The following CCDC138 variants were observed in gnomAD, a reference collection of about 807,000 sequenced individuals.
CCDC138 encodes the protein coiled-coil domain-containing protein 138.
Under a neutral mutation model 82.3 loss-of-function variants are expected in CCDC138, and 66 were observed. The ratio of observed to expected loss-of-function variants is 0.80; its 90% CI spans 0.66 to 0.98. CCDC138 has a LOEUF of 0.98. Among genes scored for constraint, CCDC138 ranks in the 50% least tolerant of loss-of-function variants. CCDC138 has a pLI of 0.00. For missense variants in CCDC138, 816 were observed against 758.9 expected, an observed-to-expected ratio of 1.08 and a Z score of -0.88; for synonymous variants, 297 against 265.4, an observed-to-expected ratio of 1.12 and a Z score of -1.16.
At chr2:108,875,367 T>C in intron 14 of CCDC138, among the ~76,000 whole-genome samples, 1 of 150,742 alleles carries the variant, frequency 6.6e-6, no homozygotes, top group African/African-American at 2.4e-5. Flanking sequence ...GAAATGAAAT[T>C]ACTGACAGGT....
Position 108,812,657 on chromosome 2 carries a change from G to GA in CCDC138, c.884dup (p.Ile296AspfsTer6). 6.2e-7 allele frequency: 1 copy of GA among 1,612,932 alleles called. No individual in the cohort carries two copies. Among genetic ancestry groups the GA allele is most frequent in the Non-Finnish European group, 8.5e-7 (1 of 1,179,090 alleles). On this transcript the variant is annotated frameshift_variant, in exon 8 of 15. Transcript: ENST00000295124. LOFTEE classifies it high-confidence loss of function. ...TAAATGAAGCAAGTGAAGAAAACAG[G>GA]AAGATAGACATTCAGGCTAAAAGAG...
intron 9 of CCDC138, among the ~76,000 whole-genome samples, chr2:108,814,666 A>G (rs1485481682): frequency 1.3e-5 from 2 of 149,282 alleles, no homozygotes; most frequent in South Asian, 2.1e-4. Context: ...ATTTATTAAT[A>G]TTTTTAATTT....
downstream of CCDC138, among the ~76,000 whole-genome samples, chr2:108,877,348 C>T (rs145008478): frequency 0.022 from 3,340 of 151,974 alleles, 62 homozygotes; most frequent in Non-Finnish European, 0.036. Context: ...CACCTGTGAT[C>T]CTAGCTACTC....
Position 108,812,943 on chromosome 2 carries a change from G to A in CCDC138, c.1041+16G>A. 6.2e-7 allele frequency: 1 copy of A among 1,609,560 alleles called. No homozygotes were observed. Among genetic ancestry groups the A allele is most frequent in the South Asian group, 1.1e-5 (1 of 90,692 alleles). ...AACTTACAAGGTAAGTTTGAATTAT[G>A]ATTTGATATGATTGAAAATTTCTCG... On this transcript the variant is annotated intron_variant, in intron 9 of 14. Transcript: ENST00000295124.
Position 108,876,085 on chromosome 2 carries a change from C to G in CCDC138, c.1833-3C>G. ...TTAAATAATGTATTCATTTTTTTTA[C>G]AGGAGTAATAAGAAGCTCTTTGAAC... is the stretch of plus-strand genomic sequence containing the variant. On this transcript the variant is annotated splice_polypyrimidine_tract_variant and splice_region_variant and intron_variant, in intron 14 of 14. Coordinates refer to ENST00000295124, the MANE Select transcript of CCDC138 (RefSeq NM_144978.3). The G allele has an allele frequency of 6.4e-7, 1 of 1,560,070 alleles. No homozygotes were observed. Among genetic ancestry groups the G allele is most frequent in the Non-Finnish European group, 8.8e-7 (1 of 1,136,654 alleles).
chr2:108,819,618 G>A (rs1685329038), intron 10 of CCDC138, among the ~76,000 whole-genome samples: 1 of 152,184 alleles, frequency 6.6e-6, no homozygotes, highest in African/African-American at 2.4e-5. Flanking sequence ...ACACATAGAA[G>A]CCCAGAGAAG....
intron 10 of CCDC138, among the ~76,000 whole-genome samples, chr2:108,827,574 T>G (rs1220118676): frequency 4.0e-5 from 6 of 151,592 alleles, no homozygotes; most frequent in African/African-American, 1.5e-4. Context: ...CCCAGCACTT[T>G]GGGAGGCCAA....
chr2:108,846,186 C>A (rs545432777), intron 11 of CCDC138, among the ~76,000 whole-genome samples: 1 of 152,168 alleles, frequency 6.6e-6, no homozygotes, highest in Admixed American at 6.5e-5. Flanking sequence ...AGTAGGTAGT[C>A]CACCTCTGTT....
chr2:108,789,160 A>G (rs1355813703), intron 3 of CCDC138, among the ~76,000 whole-genome samples, 194 bp downstream of exon 3: 2 of 152,276 alleles, frequency 1.3e-5, no homozygotes, highest in Non-Finnish European at 2.9e-5. Flanking sequence ...TAATAAAAGC[A>G]TAGACCTAGC....
intron 7 of CCDC138, among the ~76,000 whole-genome samples, 185 bp downstream of exon 7, chr2:108,805,193 T>C (rs1682653841): frequency 6.6e-6 from 1 of 152,230 alleles, no homozygotes; most frequent in Non-Finnish European, 1.5e-5. Flanking sequence ...GTCTCTTCTC[T>C]TTATTTGTTC....
rs181257723 is a variant in CCDC138, at chr2:108,841,055, C to T, written c.1323+1754C>T. Among the ~76,000 whole-genome samples the T allele has an allele frequency of 2.0e-5, 3 of 152,132 alleles. No individual in the cohort carries two copies. The East Asian group carries it at 5.8e-4, about 29-fold the overall frequency. ...TTGTTTTTTAGTAGGGATGGGGTTT[C>T]ACCATGTTGACCTCAAGTGATCTGC... On this transcript the variant is annotated intron_variant, in intron 11 of 14. Transcript: ENST00000295124.
chr2:108,813,269 A>AAAAG (rs1558658805), intron 9 of CCDC138, among the ~76,000 whole-genome samples: 2 of 150,940 alleles, frequency 1.3e-5, no homozygotes, highest in African/African-American at 2.4e-5. Flanking sequence ...AAAAAAAAAA[A>AAAAG]AAAGAAAATT....
chr2:108,839,319 A>G lies in CCDC138; in HGVS notation c.1323+18A>G. 6.3e-7 allele frequency: 1 copy of G among 1,595,756 alleles called. No individual in the cohort carries two copies. Among genetic ancestry groups the G allele is most frequent in the Non-Finnish European group, 8.6e-7 (1 of 1,168,542 alleles). ...GAGCACAGGTAATTGGTTAATAGGA[A>G]TTTATCTATAAGTAATACTCCACCT... On this transcript the variant is annotated intron_variant, in intron 11 of 14. Coordinates refer to ENST00000295124, the MANE Select transcript of CCDC138 (RefSeq NM_144978.3).
Position 108,788,021 on chromosome 2 carries a change from T to C in CCDC138, c.94-11T>C, listed in dbSNP as rs1286142362. On this transcript the variant is annotated splice_polypyrimidine_tract_variant and intron_variant, in intron 1 of 14. Transcript: ENST00000295124. ...TAGTATACAAATTAAATCTTTTCTT[T>C]TTTTTTTTAGTATGATTTTTCAAAT... 6.6e-7 allele frequency: 1 copy of C among 1,520,998 alleles called. No individual in the cohort carries two copies. The highest frequency in any genetic ancestry group is 8.9e-7 in the Non-Finnish European group (1 of 1,121,722). The allele number at this position is 1,520,998 out of a possible 1,614,324, so 94.2% of individuals were successfully genotyped here.
intron 2 of CCDC138, chr2:108,882,877 T>G (rs907307186): frequency 2.0e-5 from 3 of 152,090 alleles, no homozygotes; most frequent in African/African-American, 7.3e-5. Context: ...AGGTAGGGAT[T>G]TAAGGATGGC....
Position 108,788,965 on chromosome 2 carries a change from T to C in CCDC138, c.265T>C (p.Cys89Arg), listed in dbSNP as rs73952515. 2.5e-3 allele frequency: 4,013 copies of C among 1,613,960 alleles called. 84 individuals are homozygous for C. In the African/African-American group the frequency reaches 0.048, roughly 19 times the overall value. ...GSLFKHVNVN[C>R]LDDELDSFHD... The stretch of plus-strand genomic sequence containing the variant: ...CTTATTCAAGCACGTAAATGTGAAT[T>C]GGTAAAGTACCCTGAAACTTTACTG... Residue 89 changes from cysteine to arginine, a missense_variant and splice_region_variant, in exon 3 of 15, where the codon TGC becomes CGC. Coordinates refer to ENST00000295124, the MANE Select transcript of CCDC138 (RefSeq NM_144978.3).
At chr2:108,845,379 C>T (rs1690257423) in intron 11 of CCDC138, among the ~76,000 whole-genome samples, 1 of 152,008 alleles carries the variant, frequency 6.6e-6, no homozygotes, top group African/African-American at 2.4e-5. Context: ...AAAACTTATC[C>T]ACATTGCAGG....
chr2:108,848,392 C>T (rs1214587940), intron 12 of CCDC138, among the ~76,000 whole-genome samples: 13 of 152,026 alleles, frequency 8.6e-5, no homozygotes, highest in African/African-American at 2.4e-5. Flanking sequence ...TAGAGAAGAC[C>T]GTTAATTTGT....
chr2:108,815,958 A>T lies in CCDC138; in HGVS notation c.1059A>T (p.Gln353His). 6.2e-7 allele frequency: 1 copy of T among 1,609,462 alleles called. No homozygotes were observed. Among genetic ancestry groups the T allele is most frequent in the Non-Finnish European group, 8.5e-7 (1 of 1,178,682 alleles). The change falls in exon 10 of 15, where the codon CAA becomes CAT. Residue 353 changes from glutamine to histidine, a missense_variant. Gln to His is a conservative substitution (Grantham distance 24). Transcript: ENST00000295124. ...ACATATAGGTACCACTTAATGGGCA[A>T]GTTTATGAACTTTTAACTGTCTTCA... ...SKTYKVPLNG[Q>H]VYELLTVFMD... is the part of the protein sequence containing the mutation.
Sources: allele counts gnomAD v4.1 joint callset (sites outside exome capture counted in the v4.1 genomes callset), GRCh38; gene constraint gnomAD v4.1.1; transcripts MANE v1.5; gene names NCBI Gene and HGNC (gene_info 2026-07-23, HGNC 2026-07-21).